HMCN2: variants seen among roughly 807,000 people sequenced by gnomAD.
HMCN2 encodes the protein hemicentin-2.
Under a neutral mutation model 377.5 loss-of-function variants are expected in HMCN2, and 325 were observed. That is an observed-to-expected ratio of 0.86 (90% CI 0.79 to 0.94). The LOEUF is 0.94. HMCN2 is among the 40% of genes least tolerant of loss of function. HMCN2 has a pLI of 0.00. For synonymous variants in HMCN2, 2,007 were observed against 2,046.8 expected (o/e 0.98, Z 0.53); for missense variants, 4,543 against 4,725.3 (o/e 0.96, Z 1.13).
chr9:130,289,977 C>G (rs1212123238), intron 4 of HMCN2, among the ~76,000 whole-genome samples: 1 of 152,184 alleles, frequency 6.6e-6, no homozygotes, highest in African/African-American at 2.4e-5. Context: ...TGGGAGGATC[C>G]TCGGGGATGA....
intron 15 of HMCN2, among the ~76,000 whole-genome samples, chr9:130,311,790 G>A (rs1314031108): frequency 6.6e-6 from 1 of 152,150 alleles, no homozygotes; most frequent in East Asian, 1.9e-4. Flanking sequence ...GCTGCCACCT[G>A]GTACCAGTCA....
rs1004449865 is a variant in HMCN2, at chr9:130,414,067, T to C, written c.12961+3415T>C. ...CCAGCTACTTGGGAGGCAAACACCA[T>C]GAAAAACACCCCTGCCCCATCATCA... is the stretch of plus-strand genomic sequence containing the variant. On this transcript the variant is annotated intron_variant, in intron 85 of 97. Coordinates refer to ENST00000683500, the MANE Select transcript of HMCN2 (RefSeq NM_001291815.2). The surrounding 1 kb of genome is among the most constrained non-coding windows in gnomAD (Gnocchi z 4.4). Among the ~76,000 whole-genome samples the C allele has an allele frequency of 3.3e-5, 5 of 150,918 alleles. No homozygotes were observed. The highest frequency in any genetic ancestry group is 7.4e-5 in the Non-Finnish European group (5 of 67,896).
Position 130,433,832 on chromosome 9 carries a change from A to C in HMCN2, c.*139A>C. 1 of 707,400 alleles carries C rather than the reference A, an allele frequency of 1.4e-6. No individual in the cohort carries two copies. The highest frequency in any genetic ancestry group is 2.2e-6 in the Non-Finnish European group (1 of 464,280). 43.8% of individuals were successfully genotyped at this position (707,400 alleles called of 1,614,324 possible). A position where few individuals can be genotyped will look rare whatever the true frequency, so the allele number is the denominator to read the frequency against. On this transcript the variant is annotated 3_prime_UTR_variant, in exon 98 of 98. Coordinates refer to ENST00000683500, the MANE Select transcript of HMCN2 (RefSeq NM_001291815.2). Reference sequence around the variant, plus strand: ...TGCGTCAGCGAGACCTTGGGTCAACACGACCCTGCGCACAGCCTTGACCCC... The same window carrying C: ...TGCGTCAGCGAGACCTTGGGTCAACCCGACCCTGCGCACAGCCTTGACCCC...
At position 130,303,048 on chromosome 9, in the gene HMCN2, G is replaced by T; in HGVS notation, c.1421+47G>T. The stretch of plus-strand genomic sequence containing the variant: ...ATTGTCCCCAGCCACAGGGCTCCTG[G>T]CTGCTGAGGCCCTGGAGGGATCTCA... On this transcript the variant is annotated intron_variant, in intron 9 of 97. Transcript: ENST00000683500. The surrounding 1 kb of genome is among the most constrained non-coding windows in gnomAD (Gnocchi z 5.2). 2.3e-6 allele frequency: 1 copy of T among 443,474 alleles called. No homozygotes were observed. The highest frequency in any genetic ancestry group is 4.7e-6 in the Non-Finnish European group (1 of 212,752). The allele number at this position is 443,474 out of a possible 1,614,324, so 27.5% of individuals were successfully genotyped here. A position where few individuals can be genotyped will look rare whatever the true frequency, so the allele number is the denominator to read the frequency against.
rs904984545 is a variant in HMCN2, at chr9:130,395,199, C to T, written c.10775-12C>T. The T allele has an allele frequency of 2.3e-6, 3 of 1,286,980 alleles. No individual in the cohort carries two copies. Among genetic ancestry groups the T allele is most frequent in the South Asian group, 1.2e-5 (1 of 80,576 alleles). The allele number at this position is 1,286,980 out of a possible 1,614,324, so 79.7% of individuals were successfully genotyped here. On this transcript the variant is annotated splice_polypyrimidine_tract_variant and intron_variant, in intron 70 of 97. Coordinates refer to ENST00000683500, the MANE Select transcript of HMCN2 (RefSeq NM_001291815.2). Reference sequence around the variant, plus strand: ...CCCCCTCTCATATCCTCTTGTGCCACCCCCTTCCCAGCCCCTCCAAACATT... The same window carrying T: ...CCCCCTCTCATATCCTCTTGTGCCATCCCCTTCCCAGCCCCTCCAAACATT...
Position 130,360,965 on chromosome 9 carries a change from C to T in HMCN2, c.5950+361C>T, listed in dbSNP as rs1473378554. On this transcript the variant is annotated intron_variant, in intron 38 of 97. Transcript: ENST00000683500. This position sits in a 1 kb window ranked among gnomAD's most constrained non-coding sequence, Gnocchi z 4.7. ...TTATCTACCCACCTGTCTGCCCACCCATCCACCTGCCCATTTGTCTACCTG... is the reference window on the plus strand; with the variant it reads ...TTATCTACCCACCTGTCTGCCCACCTATCCACCTGCCCATTTGTCTACCTG... Among the ~76,000 whole-genome samples, 1 of 152,074 alleles carries T rather than the reference C, an allele frequency of 6.6e-6. No individual in the cohort carries two copies. The highest frequency in any genetic ancestry group is 1.5e-5 in the Non-Finnish European group (1 of 68,022).
Position 130,428,551 on chromosome 9 carries a change from C to T in HMCN2, c.14197+62C>T, listed in dbSNP as rs1017576186. 4.6e-6 allele frequency: 7 copies of T among 1,523,968 alleles called. No individual in the cohort carries two copies. The highest frequency in any genetic ancestry group is 1.2e-5 in the South Asian group (1 of 82,794). The allele number at this position is 1,523,968 out of a possible 1,614,324, so 94.4% of individuals were successfully genotyped here. A position where few individuals can be genotyped will look rare whatever the true frequency, so the allele number is the denominator to read the frequency against. ...TGGAAACCCAGAGGTTGCCAGGGAT[C>T]AGCTGACAGGGGGCTGTGTGTCACT... On this transcript the variant is annotated intron_variant, in intron 93 of 97. Transcript: ENST00000683500. This position sits in a 1 kb window ranked among gnomAD's most constrained non-coding sequence, Gnocchi z 5.0.
intron 47 of HMCN2, among the ~76,000 whole-genome samples, chr9:130,372,678 G>A (rs918657377): frequency 2.6e-5 from 4 of 152,214 alleles, no homozygotes; most frequent in African/African-American, 9.6e-5. Flanking sequence ...AGGAAGCAGA[G>A]GCTGCAGTGA....
At chr9:130,355,882 C>T (rs764218246) in intron 33 of HMCN2, 28 bp downstream of exon 33, 1 of 1,230,188 alleles carries the variant, frequency 8.1e-7, no homozygotes, top group South Asian at 1.3e-5. Flanking sequence ...GAGGCCAGGG[C>T]TGGGGGTAGG....
Position 130,304,979 on chromosome 9 carries a change from C to T in HMCN2, c.1793C>T (p.Ala598Val), listed in dbSNP as rs1554936194. ...AGCAATGCCAATGGGGTCACAAGGG[C>T]ATCCGTCTGGCTCCTGGTGCGAGGT... is the stretch of plus-strand genomic sequence containing the variant. ...VASNANGVTR[A>V]SVWLLVREAP... The change falls in exon 11 of 98, where the codon GCA becomes GTA. Residue 598 changes from alanine (A) to valine (V), a missense_variant. Ala to Val is a moderately conservative substitution (Grantham distance 64). Transcript: ENST00000683500. This position sits in a 1 kb window ranked among gnomAD's most constrained non-coding sequence, Gnocchi z 4.3. 1 of 470,860 alleles carries T rather than the reference C, an allele frequency of 2.1e-6. No individual in the cohort carries two copies. The allele number at this position is 470,860 out of a possible 1,614,324, so 29.2% of individuals were successfully genotyped here. A position where few individuals can be genotyped will look rare whatever the true frequency, so the allele number is the denominator to read the frequency against.
At chr9:130,353,784 G>A (rs1839862133) in intron 31 of HMCN2, among the ~76,000 whole-genome samples, 1 of 152,214 alleles carries the variant, frequency 6.6e-6, no homozygotes, top group South Asian at 2.1e-4. Context: ...GAGGGGCTTG[G>A]CTCTGGGGAC....
chr9:130,358,304 C>G lies in HMCN2; in HGVS notation c.5581-86C>G, dbSNP rs568405087. ...CCCCATGCCTCACTGCTCCTGCCCC[C>G]GGGCTCGGCAGCAGCCTGGCCACTC... is the stretch of plus-strand genomic sequence containing the variant. On this transcript the variant is annotated intron_variant, in intron 35 of 97. Transcript: ENST00000683500. 3.3e-5 allele frequency: 43 copies of G among 1,292,526 alleles called. No homozygotes were observed. The African/African-American group carries it at 6.4e-4, about 19-fold the overall frequency. The allele number at this position is 1,292,526 out of a possible 1,614,324, so 80.1% of individuals were successfully genotyped here.
At chr9:130,358,674 C>A (rs1217838317) in intron 36 of HMCN2, among the ~76,000 whole-genome samples, 188 bp downstream of exon 36, 1 of 146,164 alleles carries the variant, frequency 6.8e-6, no homozygotes. Flanking sequence ...TCCCTTTTGG[C>A]GGGATTTTTT....
At position 130,364,729 on chromosome 9, in the gene HMCN2, T is replaced by C. The variant is rs1564819736; in HGVS notation, c.6248T>C (p.Leu2083Pro). ...CCTCCTGCAGTGCCCCCGAGTATCC[T>C]TGGAGAAGAGCTGAATGTGTCCGTT... is the stretch of plus-strand genomic sequence containing the variant. ...VLQVHMPPSI[L>P]GEELNVSVVA... The change falls in exon 41 of 98, where the codon CTT becomes CCT. Residue 2083 changes from leucine (L) to proline (P), a missense_variant. Physicochemically the swap from Leu to Pro is moderately conservative, Grantham distance 98. Around this residue, in one of 5 missense-constraint regions of HMCN2, gnomAD observed 1,032 missense variants for 1,285.1 expected, o/e 0.80. Transcript: ENST00000683500. The C allele has an allele frequency of 9.1e-6, 9 of 985,976 alleles. No homozygotes were observed. Among genetic ancestry groups the C allele is most frequent in the African/African-American group, 1.7e-5 (1 of 57,238 alleles). 61.1% of individuals were successfully genotyped at this position (985,976 alleles called of 1,614,324 possible).
intron 15 of HMCN2, among the ~76,000 whole-genome samples, chr9:130,312,598 TTCTTTCTTTCTTTCTTTC>T (rs1477256601): frequency 1.8e-5 from 2 of 109,514 alleles, no homozygotes; most frequent in African/African-American, 6.9e-5. Context: ...CTTTCTTTCT[TTCTTTCTTTCTTTCTTTC>T]TCTGTCTCTC....
chr9:130,426,972 C>T (rs1029440663), intron 90 of HMCN2, among the ~76,000 whole-genome samples: 2 of 152,192 alleles, frequency 1.3e-5, no homozygotes, highest in Non-Finnish European at 2.9e-5. Context: ...TATCCTCTGC[C>T]CCTCCGCACG....
rs1358702362 is a variant in HMCN2 at position 130,395,957 on chromosome 9, A to C, written c.10945A>C (p.Arg3649=). 2 of 1,287,578 alleles carry C rather than the reference A, an allele frequency of 1.6e-6. No homozygotes were observed. The highest frequency in any genetic ancestry group is 4.6e-5 in the Admixed American group (2 of 43,548). 79.8% of individuals were successfully genotyped at this position (1,287,578 alleles called of 1,614,324 possible). The change falls in exon 72 of 98, where the codon AGG becomes CGG. Residue 3649 remains arginine, a synonymous_variant. Transcript: ENST00000683500. The part of the protein sequence containing the change: ...DAHTQFPERG[R]FLQLQALSTA... ...CCACACACAATTCCCGGAGCGGGGCAGGTTCCTCCAGCTGCAGGCCCTGAG... is the reference window on the plus strand; with the variant it reads ...CCACACACAATTCCCGGAGCGGGGCCGGTTCCTCCAGCTGCAGGCCCTGAG...
intron 80 of HMCN2, 26 bp from the exon 81 acceptor site, chr9:130,404,843 C>T: frequency 8.3e-7 from 1 of 1,207,648 alleles, no homozygotes; most frequent in Non-Finnish European, 1.1e-6. Flanking sequence ...AGCCCCGGTT[C>T]CGAGTGGGCC....
chr9:130,366,502 G>A (rs988960452), intron 43 of HMCN2, among the ~76,000 whole-genome samples: 1 of 132,866 alleles, frequency 7.5e-6, no homozygotes, highest in African/African-American at 2.9e-5. Flanking sequence ...TTGCCAGGCT[G>A]GAGTGCAGTG....
Sources: gnomAD v4.1 joint callset for allele counts (sites outside exome capture counted in the v4.1 genomes callset) on GRCh38, gnomAD v4.1.1 for gene constraint, gnomAD v4.1.1 regional missense constraint, Gnocchi (gnomAD v3.1) non-coding constraint, MANE v1.5 for transcripts, NCBI Gene and HGNC (gene_info 2026-07-23, HGNC 2026-07-21) for gene names.